The following ROBO2 variants were observed in gnomAD, a reference collection of about 807,000 sequenced individuals.
ROBO2 encodes the protein roundabout guidance receptor 2, also known as roundabout homolog 2.
In ROBO2, 53 loss-of-function variants were observed where a neutral mutation model predicts 160.8. The ratio of observed to expected loss-of-function variants is 0.33; its 90% CI spans 0.26 to 0.41. ROBO2 has a LOEUF of 0.41. Among genes scored for constraint, ROBO2 ranks in the 10% least tolerant of loss-of-function variants. The pLI is 1.00. For missense variants in ROBO2, 1,577 were observed against 1,722.4 expected (o/e 0.92, Z 1.49); for synonymous variants, 664 against 611.7 (o/e 1.09, Z -1.26).
At chr3:76,789,474 C>T (rs72898117) in intron 2 of ROBO2, among the ~76,000 whole-genome samples, 1 of 151,526 alleles carries the variant, frequency 6.6e-6, no homozygotes, top group African/African-American at 2.4e-5. Context: ...TCCTGGCTCA[C>T]AGGATGTTGT....
intron 24 of ROBO2, among the ~76,000 whole-genome samples, chr3:77,640,644 AG>A (rs1164610933): frequency 6.6e-6 from 1 of 152,200 alleles, no homozygotes; most frequent in African/African-American, 2.4e-5. Context: ...GTGCCTGAAA[AG>A]AGCTAATCCT....
chr3:77,357,092 C>A (rs1314398760), intron 2 of ROBO2, among the ~76,000 whole-genome samples: 1 of 152,030 alleles, frequency 6.6e-6, no homozygotes, highest in South Asian at 2.1e-4. Context: ...TATTGTGTAC[C>A]AGATACTTTG....
rs1352311949 is a variant in ROBO2 at position 76,141,177 on chromosome 3, A to ATATATATATATATATG, written c.109+203586_109+203587insATATGTATATATATAT. On this transcript the variant is annotated intron_variant, in intron 2 of 26. Coordinates refer to the ROBO2 transcript ENST00000487694. ...TCTCTCTCTATATATATATATATATATATATATATATTTAATGTCTGATAT... is the reference window on the plus strand; with the variant it reads ...TCTCTCTCTATATATATATATATATATATATATATATATATGTATATATATATTTAATGTCTGATAT... Among the ~76,000 whole-genome samples, 10 of 103,224 alleles carry ATATATATATATATATG rather than the reference A, an allele frequency of 9.7e-5. 1 individual carries two copies. The highest frequency in any genetic ancestry group is 2.5e-4 in the African/African-American group (7 of 27,556). The allele number at this position is 103,224 out of a possible 152,430, so 67.7% of individuals were successfully genotyped here.
intron 2 of ROBO2, among the ~76,000 whole-genome samples, chr3:76,363,415 T>C (rs1406081751): frequency 6.6e-6 from 1 of 152,116 alleles, no homozygotes; most frequent in Non-Finnish European, 1.5e-5. Context: ...TTTAACACAC[T>C]TTAAACCACC....
In ROBO2 at chr3:75,997,803, T is replaced by C. The variant is rs1393804712; in HGVS notation, c.109+60201T>C. 2.6e-5 allele frequency among the ~76,000 whole-genome samples: 4 copies of C among 152,146 alleles called. No homozygotes were observed. The East Asian group carries it at 7.7e-4, about 29-fold the overall frequency. On this transcript the variant is annotated intron_variant, in intron 2 of 26. Coordinates refer to the ROBO2 transcript ENST00000487694. ...CCACCGCGCCCGGCAAGTGGTATCT[T>C]TTCACTTAGTTTATTCAGTGACTAA...
chr3:76,550,690 A>G (rs2083363821), intron 2 of ROBO2, among the ~76,000 whole-genome samples: 1 of 151,782 alleles, frequency 6.6e-6, no homozygotes, highest in Non-Finnish European at 1.5e-5. Context: ...GCCTGCTCCC[A>G]CTCTCTGGCC....
chr3:76,847,674 G>A (rs530041770), intron 2 of ROBO2, among the ~76,000 whole-genome samples: 3 of 152,182 alleles, frequency 2.0e-5, no homozygotes, highest in Non-Finnish European at 4.4e-5. Context: ...ACTCGGCATT[G>A]CTGAAAGGTG....
chr3:76,085,000 C>T (rs950035833), intron 2 of ROBO2, among the ~76,000 whole-genome samples: 7 of 151,966 alleles, frequency 4.6e-5, no homozygotes, highest in African/African-American at 1.7e-4. Flanking sequence ...ATTTATGCAA[C>T]CTCATGTAAC....
intron 2 of ROBO2, among the ~76,000 whole-genome samples, chr3:77,206,411 G>A (rs1250888363): frequency 6.6e-6 from 1 of 151,834 alleles, no homozygotes; most frequent in East Asian, 2.0e-4. Context: ...CTTGTGATCC[G>A]CCTGCTGTGG....
At chr3:77,567,391 A>G (rs1057251190) in intron 12 of ROBO2, among the ~76,000 whole-genome samples, 2 of 152,048 alleles carry the variant, frequency 1.3e-5, no homozygotes, top group African/African-American at 4.8e-5. Flanking sequence ...TTTAATATCA[A>G]TTTGATGGAC....
At chr3:77,018,756 C>T (rs1372757665) in intron 2 of ROBO2, among the ~76,000 whole-genome samples, 1 of 152,100 alleles carries the variant, frequency 6.6e-6, no homozygotes, top group Admixed American at 6.5e-5. Flanking sequence ...CCAAGCCAGT[C>T]ACAAAAAAGA....
At chr3:77,117,567 ATC>A (rs1353165228) in intron 2 of ROBO2, among the ~76,000 whole-genome samples, 1 of 152,140 alleles carries the variant, frequency 6.6e-6, no homozygotes, top group Non-Finnish European at 1.5e-5. Context: ...TTTTCTTCAT[ATC>A]TGTATTTCAA....
In ROBO2 at chr3:77,553,082, A is replaced by T. The variant is rs929319861; in HGVS notation, c.1231+2093A>T. ...GAAGGTTTATGGCAACCCTGGGTCA[A>T]ACAAGTCTGTTGGTGCCATTTTACT... On this transcript the variant is annotated intron_variant, in intron 8 of 25. Transcript: ENST00000461745. 8.6e-5 allele frequency among the ~76,000 whole-genome samples: 13 copies of T among 151,946 alleles called. No individual in the cohort carries two copies. In the East Asian group the frequency reaches 2.3e-3, roughly 27 times the overall value.
At chr3:77,338,166 A>G (rs2066682824) in intron 2 of ROBO2, among the ~76,000 whole-genome samples, 1 of 152,220 alleles carries the variant, frequency 6.6e-6, no homozygotes, top group South Asian at 2.1e-4. Context: ...AATACAAGTT[A>G]GAGCTCATAT....
chr3:76,295,182 A>G (rs1320681741), intron 2 of ROBO2, among the ~76,000 whole-genome samples: 1 of 152,204 alleles, frequency 6.6e-6, no homozygotes, highest in Non-Finnish European at 1.5e-5. Context: ...TGACTCAGAC[A>G]TACTAACTTA....
intron 2 of ROBO2, among the ~76,000 whole-genome samples, chr3:76,135,595 C>G (rs913759079): frequency 6.6e-6 from 1 of 151,994 alleles, no homozygotes; most frequent in African/African-American, 2.4e-5. Flanking sequence ...TCACAATTAC[C>G]CTAGAGGAAT....
chr3:76,142,865 T>C (rs1395997758), intron 2 of ROBO2, among the ~76,000 whole-genome samples: 1 of 152,038 alleles, frequency 6.6e-6, no homozygotes, highest in Non-Finnish European at 1.5e-5. Context: ...CTCCATGTGA[T>C]GTGCTTATTT....
At chr3:76,783,647 T>A (rs2062798654) in intron 2 of ROBO2, among the ~76,000 whole-genome samples, 1 of 150,938 alleles carries the variant, frequency 6.6e-6, no homozygotes, top group Non-Finnish European at 1.5e-5. Flanking sequence ...CTCTGGCTGC[T>A]TTCAAAATTC....
intron 2 of ROBO2, among the ~76,000 whole-genome samples, chr3:76,495,660 T>C (rs545516091): frequency 6.6e-6 from 1 of 152,122 alleles, no homozygotes; most frequent in Non-Finnish European, 1.5e-5. Context: ...GGAAGAAACA[T>C]GGACAACAAG....
Sources: allele counts gnomAD v4.1 joint callset (sites outside exome capture counted in the v4.1 genomes callset), GRCh38; gene constraint gnomAD v4.1.1; transcripts MANE v1.5; gene names NCBI Gene and HGNC (gene_info 2026-07-23, HGNC 2026-07-21).